ZNF101: variants seen among roughly 807,000 people sequenced by gnomAD.
ZNF101 encodes the protein zinc finger protein 101 (Y2).
In ZNF101, 34 loss-of-function variants were observed where a neutral mutation model predicts 42.6. That is an observed-to-expected ratio of 0.80 (90% CI 0.61 to 1.06). The LOEUF (loss-of-function observed/expected upper bound fraction) is 1.06, where lower values mean the gene tolerates loss of function less well. Among genes scored for constraint, ZNF101 ranks in the 50% least tolerant of loss-of-function variants. ZNF101 has a pLI of 0.00. For synonymous variants in ZNF101, 158 were observed against 183.9 expected (o/e 0.86, Z 1.14); for missense variants, 466 against 530.9 (o/e 0.88, Z 1.20).
At chr19:19,678,657 A>G in intron 2 of ZNF101, 69 bp from the exon 3 acceptor site, 1 of 1,382,406 alleles carries the variant, frequency 7.2e-7, no homozygotes, top group Admixed American at 2.2e-5. Flanking sequence ...TGTTTAATGA[A>G]CTTAGAACCT....
chr19:19,673,983 G>A (rs1001785236), intron 1 of ZNF101, among the ~76,000 whole-genome samples: 4 of 150,284 alleles, frequency 2.7e-5, no homozygotes, highest in African/African-American at 4.9e-5. Context: ...TAGTAGAGAC[G>A]GGGTTTCACC....
chr19:19,669,028 C>T (rs1457816162), intron 1 of ZNF101, 62 bp downstream of exon 1: 12 of 1,546,596 alleles, frequency 7.8e-6, no homozygotes, highest in Non-Finnish European at 1.7e-6. Context: ...CCGGCAGTGG[C>T]TGGACCTGGG....
At chr19:19,673,536 C>T (rs2062183858) in intron 1 of ZNF101, among the ~76,000 whole-genome samples, 1 of 152,004 alleles carries the variant, frequency 6.6e-6, no homozygotes, top group Non-Finnish European at 1.5e-5. Context: ...GCATGAGCCA[C>T]CGCACCTGGC....
chr19:19,668,941 C>A lies in ZNF101; in HGVS notation c.-23C>A. 1.9e-6 allele frequency: 3 copies of A among 1,585,598 alleles called. No individual in the cohort carries two copies. The highest frequency in any genetic ancestry group is 1.7e-6 in the Non-Finnish European group (2 of 1,166,428). On this transcript the variant is annotated 5_prime_UTR_variant, in exon 1 of 4. Coordinates refer to ENST00000592502, the MANE Select transcript of ZNF101 (RefSeq NM_033204.4). ...CTGGCTGCTCCAGCCCCAGGAAGGACCCAGGACACCCGGAAGCCGGAAATG... is the reference window on the plus strand; with the variant it reads ...CTGGCTGCTCCAGCCCCAGGAAGGAACCAGGACACCCGGAAGCCGGAAATG...
At chr19:19,672,293 C>T (rs2062175627) in intron 1 of ZNF101, 1 of 150,384 alleles carries the variant, frequency 6.6e-6, no homozygotes, top group African/African-American at 2.5e-5. Context: ...GATTCTCCTG[C>T]CTCAGCCCTC....
At chr19:19,673,820 G>C (rs1256671200) in intron 1 of ZNF101, among the ~76,000 whole-genome samples, 5 of 150,412 alleles carry the variant, frequency 3.3e-5, no homozygotes, top group Non-Finnish European at 7.4e-5. Context: ...TTGAGATGGA[G>C]TCTTGCTTTG....
Position 19,683,121 on chromosome 19 carries a change from T to C in ZNF101, c.*2821T>C, listed in dbSNP as rs2062248054. On this transcript the variant is annotated 3_prime_UTR_variant, in exon 4 of 4. Coordinates refer to ENST00000592502, the MANE Select transcript of ZNF101 (RefSeq NM_033204.4). ...CGACCGGCCCATGAGTCTTTATTAATAGAGATTTCTTACTGGTGTTATGTG... is the reference window on the plus strand; with the variant it reads ...CGACCGGCCCATGAGTCTTTATTAACAGAGATTTCTTACTGGTGTTATGTG... The C allele has an allele frequency of 6.6e-6, 1 of 152,098 alleles. No individual in the cohort carries two copies. The highest frequency in any genetic ancestry group is 2.4e-5 in the African/African-American group (1 of 41,438). The allele number at this position is 152,098 out of a possible 1,614,324, so 9.4% of individuals were successfully genotyped here.
At position 19,678,009 on chromosome 19, in the gene ZNF101, T is replaced by G. The variant is rs1180507257; in HGVS notation, c.130+19T>G. 9.3e-6 allele frequency: 15 copies of G among 1,604,756 alleles called. No homozygotes were observed. The highest frequency in any genetic ancestry group is 1.7e-5 in the Admixed American group (1 of 59,658). The stretch of plus-strand genomic sequence containing the variant: ...TCGGTCGGTAAGAAGGACATTTCCT[T>G]CCTTAGTCAATTAGAAGACAAGTGT... On this transcript the variant is annotated intron_variant, in intron 2 of 3. Coordinates refer to ENST00000592502, the MANE Select transcript of ZNF101 (RefSeq NM_033204.4).
chr19:19,675,954 C>T (rs1038591083), intron 1 of ZNF101, among the ~76,000 whole-genome samples: 7 of 152,094 alleles, frequency 4.6e-5, no homozygotes, highest in African/African-American at 1.7e-4. Context: ...CATGATTGTA[C>T]CACTGCACTC....
rs778175392 is a variant in ZNF101 at position 19,680,078 on chromosome 19, A to G, written c.1089A>G (p.Glu363=). Residue 363 remains glutamate, a synonymous_variant, in exon 4 of 4, where the codon GAA becomes GAG. Coordinates refer to ENST00000592502, the MANE Select transcript of ZNF101 (RefSeq NM_033204.4). ...FRRHKKTHSG[E]KPYECTRCGK... ...GACATAAAAAAACTCATAGTGGAGA[A>G]AAGCCATATGAATGTACAAGGTGTG... 1.2e-6 allele frequency: 2 copies of G among 1,614,066 alleles called. No individual in the cohort carries two copies. The highest frequency in any genetic ancestry group is 2.7e-5 in the African/African-American group (2 of 74,926).
Position 19,681,826 on chromosome 19 carries a change from AATT to A in ZNF101, c.*1532_*1534del, listed in dbSNP as rs1385285561. 2 of 152,180 alleles carry A rather than the reference AATT, an allele frequency of 1.3e-5. No individual in the cohort carries two copies. The highest frequency in any genetic ancestry group is 2.9e-5 in the Non-Finnish European group (2 of 68,042). 9.4% of individuals were successfully genotyped at this position (152,180 alleles called of 1,614,324 possible). A position where few individuals can be genotyped will look rare whatever the true frequency, so the allele number is the denominator to read the frequency against. On this transcript the variant is annotated 3_prime_UTR_variant, in exon 4 of 4. Coordinates refer to ENST00000592502, the MANE Select transcript of ZNF101 (RefSeq NM_033204.4). ...TAATTTTGAAAGCCTGATGCAAATT[AATT>A]ATTATATAATGCTCAAAAACTTAAT... is the stretch of plus-strand genomic sequence containing the variant.
At position 19,679,869 on chromosome 19, in the gene ZNF101, TC is replaced by T. The variant is rs2062227994; in HGVS notation, c.882del (p.Ser295ValfsTer92). On this transcript the variant is annotated frameshift_variant, in exon 4 of 4. Coordinates refer to ENST00000592502, the MANE Select transcript of ZNF101 (RefSeq NM_033204.4). LOFTEE classifies it high-confidence loss of function. ...CQECGKKLSC[S>X]SSLHRHERTH... ...GGAATGTGGGAAAAAACTCAGTTGTTCCAGTTCCCTTCACAGACATGAAAGA... is the reference window on the plus strand; with the variant it reads ...GGAATGTGGGAAAAAACTCAGTTGTTCAGTTCCCTTCACAGACATGAAAGA... 19 of 1,614,106 alleles carry T rather than the reference TC, an allele frequency of 1.2e-5. No homozygotes were observed. Among genetic ancestry groups the T allele is most frequent in the Non-Finnish European group, 1.5e-5 (18 of 1,180,012 alleles).
intron 1 of ZNF101, among the ~76,000 whole-genome samples, chr19:19,669,837 A>G (rs1008350682): frequency 2.6e-5 from 4 of 152,136 alleles, no homozygotes; most frequent in African/African-American, 9.7e-5. Context: ...GGCACTTCTT[A>G]AAAAGTTCAT....
Position 19,679,555 on chromosome 19 carries a change from G to T in ZNF101, c.566G>T (p.Arg189Ile), listed in dbSNP as rs765177682. The change falls in exon 4 of 4, where the codon AGA (arginine) becomes ATA (isoleucine). Residue 189 changes from arginine (R) to isoleucine (I), a missense_variant. Physicochemically the swap from Arg to Ile is moderately conservative, Grantham distance 97. Coordinates refer to ENST00000592502, the MANE Select transcript of ZNF101 (RefSeq NM_033204.4). Reference sequence around the variant, plus strand: ...CCCAATTTATTTCAAATCCATCAAAGAACTCACACTGGAAAGAGGTCCTAT... The same window carrying T: ...CCCAATTTATTTCAAATCCATCAAATAACTCACACTGGAAAGAGGTCCTAT... ...NSPNLFQIHQ[R>I]THTGKRSYKC... The T allele has an allele frequency of 5.6e-6, 9 of 1,614,134 alleles. No homozygotes were observed. The highest frequency in any genetic ancestry group is 2.7e-5 in the African/African-American group (2 of 75,012).
chr19:19,678,615 C>CAA (rs71172513), intron 2 of ZNF101, 111 bp from the exon 3 acceptor site: 1,289 of 750,826 alleles, frequency 1.7e-3, no homozygotes, highest in Non-Finnish European at 1.9e-3. Flanking sequence ...ACTTTGTCTC[C>CAA]AAAAAAAAAA....
chr19:19,669,091 C>A, intron 1 of ZNF101, 125 bp downstream of exon 1: 1 of 1,347,738 alleles, frequency 7.4e-7, no homozygotes, highest in Non-Finnish European at 1.0e-6. Flanking sequence ...AGGCGCAGCT[C>A]GACCCTTGGT....
intron 1 of ZNF101, among the ~76,000 whole-genome samples, chr19:19,673,122 T>G (rs1336771325): frequency 2.6e-5 from 4 of 151,780 alleles, no homozygotes; most frequent in Non-Finnish European, 5.9e-5. Flanking sequence ...TTTTTTTTTT[T>G]GTATTCTTAG....
At chr19:19,672,136 T>C (rs1274737154) in intron 1 of ZNF101, 1 of 148,314 alleles carries the variant, frequency 6.7e-6, no homozygotes, top group Non-Finnish European at 1.5e-5. Context: ...TGTATGATTA[T>C]ATATATTTAT....
chr19:19,676,577 C>T (rs2062204061), intron 1 of ZNF101: 1 of 151,820 alleles, frequency 6.6e-6, no homozygotes. Context: ...TTCCTGCACA[C>T]CAGGTGGTGG....
Sources: allele counts gnomAD v4.1 joint callset (sites outside exome capture counted in the v4.1 genomes callset), GRCh38; gene constraint gnomAD v4.1.1; transcripts MANE v1.5; gene names NCBI Gene and HGNC (gene_info 2026-07-23, HGNC 2026-07-21).